Variants in ATP10B observed in about 807,000 individuals in gnomAD.
ATP10B encodes the protein phospholipid-transporting ATPase VB.
Under a neutral mutation model 141.2 loss-of-function variants are expected in ATP10B, and 122 were observed. That is an observed-to-expected ratio of 0.86 (90% confidence interval 0.75 to 1.00). ATP10B has a LOEUF of 1.00. Ranked by LOEUF, ATP10B falls within the 50% of genes least tolerant of loss-of-function variation. ATP10B has a pLI of 0.00. For missense variants in ATP10B, 1,876 were observed against 1,825.3 expected (o/e 1.03, Z -0.51); for synonymous variants, 685 against 692.0 (o/e 0.99, Z 0.16).
chr5:160,608,103 G>T (rs942001686), intron 18 of ATP10B, among the ~76,000 whole-genome samples: 1 of 149,022 alleles, frequency 6.7e-6, no homozygotes, highest in African/African-American at 2.5e-5. Flanking sequence ...GACAGGCCCC[G>T]GTGTCTGATG....
rs757090407 is a variant in ATP10B at position 160,644,153 on chromosome 5, T to G, written c.853A>C (p.Ile285Leu). The G allele has an allele frequency of 1.5e-5, 25 of 1,613,650 alleles. No homozygotes were observed. Among genetic ancestry groups the G allele is most frequent in the Non-Finnish European group, 1.9e-5 (22 of 1,179,808 alleles). Residue 285 changes from isoleucine to leucine, a missense_variant, in exon 9 of 26, where the codon ATT becomes CTT. Ile to Leu is a conservative substitution (Grantham distance 5). Coordinates refer to ENST00000327245, the MANE Select transcript of ATP10B (RefSeq NM_025153.3). ...AGACAATGACCTGCATAGATGACAA[T>G]GCCAACAGCCATCTCGGTGTTTCTG... ...TIRNTEMAVGIVIYAGHETKA... is the reference protein window; with the variant it reads ...TIRNTEMAVGLVIYAGHETKA...
At chr5:160,906,808 A>G in the ATP10B span, among the ~76,000 whole-genome samples, 1 of 152,196 alleles carries the variant, frequency 6.6e-6, no homozygotes, top group Non-Finnish European at 1.5e-5. Flanking sequence ...TACAGGAATA[A>G]GAAGCCAATG....
At chr5:160,633,126 C>A (rs1330577118) in intron 12 of ATP10B, 2 of 152,148 alleles carry the variant, frequency 1.3e-5, no homozygotes, top group Admixed American at 6.5e-5. Flanking sequence ...GGTGGGAGTA[C>A]AAATTAGTTC....
intron 3 of ATP10B, among the ~76,000 whole-genome samples, chr5:160,702,908 C>T (rs974609599): frequency 6.6e-6 from 1 of 152,186 alleles, no homozygotes; most frequent in African/African-American, 2.4e-5. Context: ...TATGCCACCT[C>T]TATTTTCTAT....
At chr5:160,849,504 TAATA>T (rs1392045719) in intron 1 of ATP10B, among the ~76,000 whole-genome samples, 1 of 152,032 alleles carries the variant, frequency 6.6e-6, no homozygotes, top group African/African-American at 2.4e-5. Flanking sequence ...AGACAGTACT[TAATA>T]AACAAAAAAT....
rs766743786 is a variant in ATP10B at position 160,620,782 on chromosome 5, C to T, written c.1981G>A (p.Asp661Asn). 11 of 1,614,204 alleles carry T rather than the reference C, an allele frequency of 6.8e-6. No individual in the cohort carries two copies. Among genetic ancestry groups the T allele is most frequent in the Non-Finnish European group, 8.5e-6 (10 of 1,180,042 alleles). Reference sequence around the variant, plus strand: ...CACACAGATGCATCATCTCTCTCATCCGAGTCTGTGGTGGCCACGTTGGCC... The same window carrying T: ...CACACAGATGCATCATCTCTCTCATTCGAGTCTGTGGTGGCCACGTTGGCC... ...LGANVATTDS[D>N]ERDDASVCSG... is the part of the protein sequence containing the mutation. The change falls in exon 15 of 26, where the codon GAT (aspartate) becomes AAT (asparagine). Residue 661 changes from aspartate to asparagine, a missense_variant. Physicochemically the swap from Asp to Asn is conservative, Grantham distance 23. Transcript: ENST00000327245.
At chr5:160,829,248 C>T (rs1443660915) in intron 1 of ATP10B, among the ~76,000 whole-genome samples, 4 of 151,430 alleles carry the variant, frequency 2.6e-5, no homozygotes, top group South Asian at 2.1e-4. Flanking sequence ...TCAGCCTTAT[C>T]AAAAATTAGA....
chr5:160,778,259 A>G (rs1770478096), intron 2 of ATP10B, among the ~76,000 whole-genome samples: 1 of 152,232 alleles, frequency 6.6e-6, no homozygotes, highest in Admixed American at 6.5e-5. Context: ...AACTTTCCTC[A>G]TTCACTCAAT....
intron 1 of ATP10B, among the ~76,000 whole-genome samples, chr5:160,806,580 T>C (rs1772785565): frequency 6.6e-6 from 1 of 152,200 alleles, no homozygotes. Flanking sequence ...ATGATCTTTA[T>C]TGTCTAAGGA....
chr5:160,822,271 A>G (rs1774166526), intron 1 of ATP10B, among the ~76,000 whole-genome samples: 1 of 152,186 alleles, frequency 6.6e-6, no homozygotes, highest in Non-Finnish European at 1.5e-5. Flanking sequence ...GGTGTTCAAC[A>G]TCACTGATAA....
chr5:160,699,756 G>T (rs1369158267), intron 3 of ATP10B, among the ~76,000 whole-genome samples: 1 of 152,126 alleles, frequency 6.6e-6, no homozygotes, highest in Non-Finnish European at 1.5e-5. Flanking sequence ...AAAGGAAAAG[G>T]GGGAGGGAAA....
At chr5:160,796,460 T>A (rs770273915) in intron 1 of ATP10B, among the ~76,000 whole-genome samples, 1 of 152,200 alleles carries the variant, frequency 6.6e-6, no homozygotes, top group Non-Finnish European at 1.5e-5. Context: ...TGCTAAGCAC[T>A]TTCTTTGTAT....
At chr5:160,586,865 C>T (rs1435803028) in intron 24 of ATP10B, among the ~76,000 whole-genome samples, 2 of 152,110 alleles carry the variant, frequency 1.3e-5, no homozygotes, top group African/African-American at 4.8e-5. Flanking sequence ...TAGATATTAG[C>T]CCTTTGTCAG....
rs191300451 is a variant in ATP10B, at chr5:160,764,987, T to A, written c.-331+20572A>T. On this transcript the variant is annotated intron_variant, in intron 2 of 25. Transcript: ENST00000327245. ...TAGCTGCAAAAAATAAAAAATAAAGTAAAAATACTTAGGAATATATCTAAC... is the reference window on the plus strand; with the variant it reads ...TAGCTGCAAAAAATAAAAAATAAAGAAAAAATACTTAGGAATATATCTAAC... Among the ~76,000 whole-genome samples the A allele has an allele frequency of 1.9e-3, 287 of 151,654 alleles. 5 individuals are homozygous for A. The highest frequency in any genetic ancestry group is 6.7e-3 in the African/African-American group (278 of 41,466).
At chr5:160,664,322 T>C (rs1762180248) in intron 7 of ATP10B, among the ~76,000 whole-genome samples, 1 of 152,218 alleles carries the variant, frequency 6.6e-6, no homozygotes. Flanking sequence ...TTTCTCCCTA[T>C]TGGATCTCAA....
intron 7 of ATP10B, among the ~76,000 whole-genome samples, chr5:160,665,657 G>A (rs76543574): frequency 0.027 from 4,172 of 152,306 alleles, 137 homozygotes; most frequent in African/African-American, 0.084. Context: ...ACTGTCTCTT[G>A]GGACAAGTGC....
At chr5:160,644,903 G>A (rs758607576) in intron 8 of ATP10B, among the ~76,000 whole-genome samples, 88 of 152,074 alleles carry the variant, frequency 5.8e-4, no homozygotes, top group Admixed American at 4.8e-3. Context: ...GGATCATGAG[G>A]TCAGGAGTTC....
chr5:160,797,010 A>G (rs6887661), intron 1 of ATP10B, among the ~76,000 whole-genome samples: 67,006 of 151,988 alleles, frequency 0.44, 14,866 homozygotes, highest in East Asian at 0.6. Flanking sequence ...TCCACATACA[A>G]TCTGTTCCAG....
Position 160,620,504 on chromosome 5 carries a change from G to T in ATP10B, c.2259C>A (p.Gly753=). 1 of 1,614,204 alleles carries T rather than the reference G, an allele frequency of 6.2e-7. No homozygotes were observed. Among genetic ancestry groups the T allele is most frequent in the East Asian group, 2.2e-5 (1 of 44,876 alleles). Residue 753 remains glycine, a synonymous_variant, in exon 15 of 26, where the codon GGC becomes GGA. Coordinates refer to ENST00000327245, the MANE Select transcript of ATP10B (RefSeq NM_025153.3). The part of the protein sequence containing the change: ...PEQVTVRLPQ[G]TCLTFSLLCT... ...AGAGGAGGCTGAAGGTGAGGCAGGT[G>T]CCCTGGGGCAGGCGCACAGTCACCT...
Sources: gnomAD v4.1 joint callset for allele counts (sites outside exome capture counted in the v4.1 genomes callset) on GRCh38, gnomAD v4.1.1 for gene constraint, MANE v1.5 for transcripts, NCBI Gene and HGNC (gene_info 2026-07-23, HGNC 2026-07-21) for gene names.